SPATA9: variants seen among roughly 807,000 people sequenced by gnomAD.
SPATA9 encodes spermatogenesis associated 9.
SPATA9 carries 27 observed loss-of-function variants against 25.5 expected under a neutral mutation model. The ratio of observed to expected loss-of-function variants is 1.06; its 90% CI spans 0.78 to 1.46. The LOEUF is 1.46. Ranked by LOEUF, SPATA9 falls within the 40% of genes most tolerant of loss-of-function variation. The pLI is 0.00. For synonymous variants in SPATA9, 102 were observed against 105.7 expected (o/e 0.97, Z 0.21); for missense variants, 282 against 297.5 (o/e 0.95, Z 0.38).
At chr5:95,704,914 T>C in the SPATA9 span, among the ~76,000 whole-genome samples, 9 of 151,670 alleles carry the variant, frequency 5.9e-5, no homozygotes, top group Non-Finnish European at 1.2e-4. Context: ...AGCCCTTTTA[T>C]AGGGGTATTA....
intron 1 of SPATA9, among the ~76,000 whole-genome samples, chr5:95,689,101 A>G (rs1278603409): frequency 6.6e-6 from 1 of 152,218 alleles, no homozygotes; most frequent in African/African-American, 2.4e-5. Context: ...GCATTTTAAA[A>G]ACTGTAACCC....
chr5:95,683,130 A>T, upstream of SPATA9: 1 of 594,094 alleles, frequency 1.7e-6, no homozygotes, highest in Admixed American at 4.6e-5. Context: ...AATAAAGTAC[A>T]CTAAGGAGTT....
At chr5:95,712,664 T>C in the SPATA9 span, among the ~76,000 whole-genome samples, 5 of 152,158 alleles carry the variant, frequency 3.3e-5, no homozygotes, top group Non-Finnish European at 7.4e-5. Context: ...ACTGGGCCAC[T>C]TGAAGATGTT....
chr5:95,695,532 A>G (rs1377072098), intron 1 of SPATA9, among the ~76,000 whole-genome samples: 1 of 152,176 alleles, frequency 6.6e-6, no homozygotes, highest in African/African-American at 2.4e-5. Context: ...CAGGAGGTGG[A>G]GGTTGCAGTG....
Position 95,658,883 on chromosome 5 carries a change from C to T in SPATA9, c.505G>A (p.Val169Ile). ...TCTTCTTCCTGGAAGATGTTCTTTACCTTCTTCAGCACAGCATTAACACAG... is the reference window on the plus strand; with the variant it reads ...TCTTCTTCCTGGAAGATGTTCTTTATCTTCTTCAGCACAGCATTAACACAG... ...AVCVNAVLKKVKNIFQEEESI... is the reference protein window; with the variant it reads ...AVCVNAVLKKIKNIFQEEESI... Residue 169 changes from valine (V) to isoleucine (I), a missense_variant, in exon 5 of 5, where the codon GTA becomes ATA. Transcript: ENST00000274432. 1 of 1,613,546 alleles carries T rather than the reference C, an allele frequency of 6.2e-7. No individual in the cohort carries two copies. The highest frequency in any genetic ancestry group is 8.5e-7 in the Non-Finnish European group (1 of 1,179,758).
chr5:95,694,041 T>G (rs1381615581), intron 1 of SPATA9, among the ~76,000 whole-genome samples: 1 of 151,968 alleles, frequency 6.6e-6, no homozygotes, highest in Non-Finnish European at 1.5e-5. Context: ...ACACCTGTAG[T>G]CCTAGCTACT....
chr5:95,716,916 C>T, the SPATA9 span: 2 of 152,006 alleles, frequency 1.3e-5, no homozygotes, highest in Admixed American at 6.5e-5. Flanking sequence ...TGTTCTCTTA[C>T]CTGCCACCAT....
upstream of SPATA9, chr5:95,701,372 C>A (rs905960844): frequency 2.6e-5 from 4 of 152,014 alleles, no homozygotes; most frequent in Non-Finnish European, 5.9e-5. Flanking sequence ...CTTTGTAAAC[C>A]TTTGGTAAGG....
At position 95,675,647 on chromosome 5, in the gene SPATA9, A is replaced by G; in HGVS notation, c.151-8T>C. 1 of 1,613,200 alleles carries G rather than the reference A, an allele frequency of 6.2e-7. No homozygotes were observed. The highest frequency in any genetic ancestry group is 1.3e-5 in the African/African-American group (1 of 74,928). On this transcript the variant is annotated splice_polypyrimidine_tract_variant and splice_region_variant and intron_variant, in intron 2 of 4. Coordinates refer to ENST00000274432, the MANE Select transcript of SPATA9 (RefSeq NM_031952.4). ...CTGCGCAGGTTCTCTTTTCTGAAAA[A>G]TAGGCCTTTGAAAAGTAACTGATGT... is the stretch of plus-strand genomic sequence containing the variant.
intron 2 of SPATA9, 114 bp downstream of exon 2, chr5:95,682,414 T>C: frequency 1.3e-6 from 1 of 744,876 alleles, no homozygotes; most frequent in Non-Finnish European, 2.1e-6. Context: ...GCAAAATTAG[T>C]GTTTTCTAAA....
At chr5:95,687,052 G>A (rs895793671), upstream of SPATA9, among the ~76,000 whole-genome samples, 4 of 152,140 alleles carry the variant, frequency 2.6e-5, no homozygotes, top group African/African-American at 4.8e-5. Context: ...TACCTATTGT[G>A]TCCAGAAAAT....
chr5:95,658,319 A>G lies in SPATA9; in HGVS notation c.*304T>C, dbSNP rs913073570. 1.6e-5 allele frequency: 3 copies of G among 189,062 alleles called. No individual in the cohort carries two copies. The highest frequency in any genetic ancestry group is 6.9e-5 in the African/African-American group (3 of 43,220). 11.7% of individuals were successfully genotyped at this position (189,062 alleles called of 1,614,324 possible). ...ATTAGACACTCAAAACAAGTCTTTA[A>G]TAAAAACATTAATGTATTATAAATA... On this transcript the variant is annotated 3_prime_UTR_variant, in exon 5 of 5. Coordinates refer to ENST00000274432, the MANE Select transcript of SPATA9 (RefSeq NM_031952.4).
At chr5:95,709,192 G>C in the SPATA9 span, among the ~76,000 whole-genome samples, 2 of 152,208 alleles carry the variant, frequency 1.3e-5, no homozygotes, top group Non-Finnish European at 2.9e-5. Context: ...ATCTGTTCAG[G>C]AATTGGATTG....
chr5:95,722,435 GATA>G, the SPATA9 span, among the ~76,000 whole-genome samples: 4 of 152,082 alleles, frequency 2.6e-5, no homozygotes, highest in Non-Finnish European at 1.5e-5. Context: ...AATGGTGCTT[GATA>G]ATAATACTTG....
upstream of SPATA9, among the ~76,000 whole-genome samples, chr5:95,702,499 G>A (rs1430545235): frequency 1.3e-5 from 2 of 152,062 alleles, no homozygotes; most frequent in Non-Finnish European, 2.9e-5. Context: ...AATAAAATAA[G>A]AACCAATTTG....
At chr5:95,652,541 T>C (rs1057503611), downstream of SPATA9, 2 of 543,274 alleles carry the variant, frequency 3.7e-6, no homozygotes, top group African/African-American at 3.8e-5. Flanking sequence ...CTCCTCACAG[T>C]CTTTGGCACT....
chr5:95,699,950 G>C (rs1241999095), upstream of SPATA9, among the ~76,000 whole-genome samples: 2 of 152,198 alleles, frequency 1.3e-5, no homozygotes, highest in African/African-American at 4.8e-5. Flanking sequence ...ACGAGTTGGA[G>C]TTTGAATGGG....
At chr5:95,670,760 T>C (rs1580314283) in intron 3 of SPATA9, 1 of 773,022 alleles carries the variant, frequency 1.3e-6, no homozygotes. Context: ...CACACTCTGG[T>C]ACCATGGATG....
chr5:95,726,731 G>C, the SPATA9 span, among the ~76,000 whole-genome samples: 2 of 152,160 alleles, frequency 1.3e-5, no homozygotes, highest in African/African-American at 4.8e-5. Context: ...GGTTCCTGCT[G>C]TAACAGTAGT....
Sources: allele counts gnomAD v4.1 joint callset (sites outside exome capture counted in the v4.1 genomes callset), GRCh38; gene constraint gnomAD v4.1.1; transcripts MANE v1.5; gene names NCBI Gene and HGNC (gene_info 2026-07-23, HGNC 2026-07-21).